Variants in AMBRA1 observed in about 807,000 individuals in gnomAD.
AMBRA1 encodes activating molecule in BECN1-regulated autophagy protein 1.
In AMBRA1, 47 loss-of-function variants were observed where a neutral mutation model predicts 125.4. The ratio of observed to expected loss-of-function variants is 0.37; its 90% CI spans 0.30 to 0.48. AMBRA1 has a LOEUF of 0.48. AMBRA1 is among the 20% of genes least tolerant of loss of function. AMBRA1 has a pLI of 0.99. For missense variants in AMBRA1, 1,331 were observed against 1,693.4 expected (o/e 0.79, Z 3.76); for synonymous variants, 626 against 655.5 (o/e 0.95, Z 0.69).
chr11:46,480,152 C>G (rs1317522513), intron 11 of AMBRA1, among the ~76,000 whole-genome samples: 1 of 152,084 alleles, frequency 6.6e-6, no homozygotes, highest in Non-Finnish European at 1.5e-5. Context: ...TCAGATGAGG[C>G]CCACCCAGAT....
At chr11:46,570,878 G>A (rs1426491646) in intron 1 of AMBRA1, among the ~76,000 whole-genome samples, 1 of 152,072 alleles carries the variant, frequency 6.6e-6, no homozygotes, top group East Asian at 1.9e-4. Context: ...ACACGATGCA[G>A]CAAGCCCTAC....
intron 15 of AMBRA1, among the ~76,000 whole-genome samples, chr11:46,411,297 G>A (rs1326799379): frequency 6.6e-6 from 1 of 152,162 alleles, no homozygotes; most frequent in Non-Finnish European, 1.5e-5. Context: ...ATCCCCAAGT[G>A]AGTGTATTAT....
chr11:46,418,858 C>T (rs958287024), intron 14 of AMBRA1, among the ~76,000 whole-genome samples: 2 of 152,128 alleles, frequency 1.3e-5, no homozygotes, highest in African/African-American at 4.8e-5. Context: ...CCCCATAAAG[C>T]CCACCATACC....
intron 15 of AMBRA1, among the ~76,000 whole-genome samples, chr11:46,410,762 C>A (rs544881080): frequency 6.6e-6 from 1 of 152,324 alleles, no homozygotes; most frequent in African/African-American, 2.4e-5. Flanking sequence ...TGGAGAGATA[C>A]AGAGCCATGG....
At chr11:46,516,524 G>C (rs1029023782) in intron 7 of AMBRA1, among the ~76,000 whole-genome samples, 19 of 145,046 alleles carry the variant, frequency 1.3e-4, no homozygotes, top group Admixed American at 3.7e-4. Context: ...TCCGCCTCCT[G>C]GGTTCGAGCC....
At chr11:46,579,591 TAC>T (rs1161934979) in intron 1 of AMBRA1, among the ~76,000 whole-genome samples, 2 of 152,188 alleles carry the variant, frequency 1.3e-5, no homozygotes, top group African/African-American at 2.4e-5. Context: ...TCTCTCTTAA[TAC>T]AACATCCTGG....
intron 1 of AMBRA1, among the ~76,000 whole-genome samples, chr11:46,589,498 A>G (rs1200670483): frequency 6.6e-6 from 1 of 152,200 alleles, no homozygotes; most frequent in Admixed American, 6.5e-5. Context: ...TGCGGATTCC[A>G]CTCCAAAATA....
At chr11:46,544,158 A>G in intron 5 of AMBRA1, 117 bp from the exon 6 acceptor site, 1 of 734,724 alleles carries the variant, frequency 1.4e-6, no homozygotes, top group South Asian at 1.8e-5. Flanking sequence ...TCACTCAGGT[A>G]TCCACTTCAT....
chr11:46,542,430 C>T lies in AMBRA1; in HGVS notation c.1587G>A (p.Gln529=). Residue 529 remains glutamine (Q), a synonymous_variant, in exon 7 of 18, where the codon CAG becomes CAA. Coordinates refer to ENST00000683756, the MANE Select transcript of AMBRA1 (RefSeq NM_001387011.1). The surrounding 1 kb of genome is among the most constrained non-coding windows in gnomAD (Gnocchi z 5.9). Reference sequence around the variant, plus strand: ...TGTTATTGTTGAGCATTTCCTGGGCCTGTTGGGTCTGGGGAGCTTCCCCAC... The same window carrying T: ...TGTTATTGTTGAGCATTTCCTGGGCTTGTTGGGTCTGGGGAGCTTCCCCAC... ...SLSGEAPQTQ[Q]AQEMLNNNIE... 1 of 1,614,070 alleles carries T rather than the reference C, an allele frequency of 6.2e-7. No individual in the cohort carries two copies. The highest frequency in any genetic ancestry group is 1.1e-5 in the South Asian group (1 of 91,080).
intron 9 of AMBRA1, among the ~76,000 whole-genome samples, chr11:46,506,953 C>G (rs1951056066): frequency 6.9e-6 from 1 of 144,954 alleles, no homozygotes; most frequent in African/African-American, 2.6e-5. Context: ...ATCACAAGGT[C>G]AAGAGATGGA....
intron 1 of AMBRA1, among the ~76,000 whole-genome samples, chr11:46,582,160 G>A (rs960212819): frequency 2.3e-4 from 34 of 150,562 alleles, no homozygotes; most frequent in Non-Finnish European, 4.4e-4. Context: ...TCCTGCCTAA[G>A]TCTCTATCCT....
At chr11:46,523,742 A>C (rs1951853714) in intron 7 of AMBRA1, among the ~76,000 whole-genome samples, 1 of 152,220 alleles carries the variant, frequency 6.6e-6, no homozygotes. Context: ...GATAAGACAG[A>C]AGAGGAGAGA....
intron 11 of AMBRA1, among the ~76,000 whole-genome samples, chr11:46,466,955 G>C (rs1949356351): frequency 7.8e-6 from 1 of 128,668 alleles, no homozygotes; most frequent in Non-Finnish European, 1.6e-5. Flanking sequence ...GTCTCGCTCT[G>C]TTGCCAGGCT....
At chr11:46,570,253 C>T (rs1420931996) in intron 1 of AMBRA1, among the ~76,000 whole-genome samples, 1 of 127,836 alleles carries the variant, frequency 7.8e-6, no homozygotes, top group Non-Finnish European at 1.6e-5. Flanking sequence ...CACAGTGAGA[C>T]CATGTCTCAA....
At chr11:46,459,958 G>A (rs938407360) in intron 11 of AMBRA1, among the ~76,000 whole-genome samples, 22 of 152,016 alleles carry the variant, frequency 1.4e-4, no homozygotes, top group African/African-American at 3.4e-4. Flanking sequence ...ACTGAGTGCC[G>A]GTCAGAATAA....
At chr11:46,569,439 AAATAT>A (rs1433533556) in intron 1 of AMBRA1, among the ~76,000 whole-genome samples, 6 of 134,554 alleles carry the variant, frequency 4.5e-5, no homozygotes, top group African/African-American at 1.2e-4. Context: ...AAAAAAAAAA[AAATAT>A]ATATATATAT....
Position 46,397,518 on chromosome 11 carries a change from G to T in AMBRA1, c.3829C>A (p.His1277Asn). 6.5e-7 allele frequency: 1 copy of T among 1,537,898 alleles called. No homozygotes were observed. The highest frequency in any genetic ancestry group is 8.8e-7 in the Non-Finnish European group (1 of 1,140,006). The stretch of plus-strand genomic sequence containing the variant: ...CTGCTGCTGCCACCATCCAGAAGGT[G>T]GTTGTTATTGGTCAACTCGCAGTGG... ...TLHCELTNNNHLLDGGSSRGD... is the reference protein window; with the variant it reads ...TLHCELTNNNNLLDGGSSRGD... The change falls in exon 18 of 18, where the codon CAC (histidine) becomes AAC (asparagine). Residue 1277 changes from histidine (H) to asparagine (N), a missense_variant. By Grantham distance (68) the His-to-Asn change is moderately conservative (BLOSUM62 1). Coordinates refer to ENST00000683756, the MANE Select transcript of AMBRA1 (RefSeq NM_001387011.1).
At chr11:46,434,765 C>T in intron 13 of AMBRA1, 84 bp downstream of exon 13, 1 of 1,410,406 alleles carries the variant, frequency 7.1e-7, no homozygotes, top group Non-Finnish European at 9.5e-7. Flanking sequence ...CCATTACTCC[C>T]ACCCAAGCTG....
chr11:46,483,688 T>A (rs1950162094), intron 11 of AMBRA1, among the ~76,000 whole-genome samples: 1 of 152,162 alleles, frequency 6.6e-6, no homozygotes, highest in South Asian at 2.1e-4. Context: ...TCACCTGAAG[T>A]CAGGAGTTGA....
Sources: allele counts gnomAD v4.1 joint callset (sites outside exome capture counted in the v4.1 genomes callset), GRCh38; gene constraint gnomAD v4.1.1; non-coding constraint Gnocchi (gnomAD v3.1); transcripts MANE v1.5; gene names NCBI Gene and HGNC (gene_info 2026-07-23, HGNC 2026-07-21).